Variants in NUP133 observed in about 807,000 individuals in gnomAD.
The protein encoded by NUP133 is nucleoporin 133.
Under a neutral mutation model 146.2 loss-of-function variants are expected in NUP133, and 66 were observed. The observed-to-expected ratio is 0.45, with a 90% CI of 0.37 to 0.55. The LOEUF is 0.55. NUP133 is among the 20% of genes least tolerant of loss of function. The probability of loss-of-function intolerance (pLI) is 0.00; values close to 1 mark genes in which losing one functional copy is unlikely to be tolerated. For missense variants in NUP133, 1,277 were observed against 1,374.8 expected, an observed-to-expected ratio of 0.93 and a Z score of 1.12; for synonymous variants, 521 against 498.8, an observed-to-expected ratio of 1.04 and a Z score of -0.59.
chr1:229,475,098 C>CAATAAATAAATA (rs541499624), intron 14 of NUP133, among the ~76,000 whole-genome samples: 53 of 151,404 alleles, frequency 3.5e-4, no homozygotes, highest in African/African-American at 1.2e-3. Flanking sequence ...TGCCCTGTCT[C>CAATAAATAAATA]AATAAATAAA....
chr1:229,500,166 ACTTGTCTCTT>A (rs1350748272), intron 4 of NUP133, among the ~76,000 whole-genome samples: 2 of 152,236 alleles, frequency 1.3e-5, no homozygotes, highest in Admixed American at 1.3e-4. Flanking sequence ...TTACTCTGTA[ACTTGTCTCTT>A]CATTTTCTTG....
intron 24 of NUP133, among the ~76,000 whole-genome samples, chr1:229,446,809 C>A (rs1660312828): frequency 6.6e-6 from 1 of 151,894 alleles, no homozygotes; most frequent in Non-Finnish European, 1.5e-5. Flanking sequence ...TCTCGTTTGG[C>A]ATGACAAGCC....
intron 14 of NUP133, among the ~76,000 whole-genome samples, chr1:229,472,692 A>C (rs978118691): frequency 9.0e-5 from 13 of 145,004 alleles, no homozygotes; most frequent in African/African-American, 3.2e-4. Context: ...CAAAAAAATT[A>C]AAAAACTAAA....
Position 229,450,597 on chromosome 1 carries a change from G to A in NUP133, c.3108C>T (p.Ile1036=). ...CATTAGCTCTTCTATTTTCTTCACA[G>A]ATATATAGCTATGACAAGTTAAAAT... is the stretch of plus-strand genomic sequence containing the variant. ...LTAPQLIGLY[I]CEENRRANEY... is the part of the protein sequence containing the mutation. The change falls in exon 23 of 26, where the codon ATC becomes ATT. Residue 1036 remains isoleucine (I), a synonymous_variant. Coordinates refer to ENST00000261396, the MANE Select transcript of NUP133 (RefSeq NM_018230.3). 6.5e-7 allele frequency: 1 copy of A among 1,534,392 alleles called. No individual in the cohort carries two copies. The highest frequency in any genetic ancestry group is 9.0e-7 in the Non-Finnish European group (1 of 1,116,844).
intron 11 of NUP133, among the ~76,000 whole-genome samples, 163 bp downstream of exon 11, chr1:229,486,208 C>T (rs1309792958): frequency 3.3e-5 from 5 of 151,604 alleles, no homozygotes; most frequent in Non-Finnish European, 7.4e-5. Flanking sequence ...TAGCCAGGCA[C>T]CTACTGGGAA....
chr1:229,444,319 A>G (rs933158990), intron 25 of NUP133, among the ~76,000 whole-genome samples: 3 of 151,948 alleles, frequency 2.0e-5, no homozygotes, highest in African/African-American at 7.3e-5. Context: ...CAACAGAATG[A>G]GACTCCGTCT....
At chr1:229,496,866 T>C (rs78098909) in intron 6 of NUP133, among the ~76,000 whole-genome samples, 9,198 of 152,188 alleles carry the variant, frequency 0.06, 320 homozygotes, top group African/African-American at 0.099. Context: ...CAGGGACATA[T>C]AGCAGAGAGT....
intron 23 of NUP133, among the ~76,000 whole-genome samples, 185 bp from the exon 24 acceptor site, chr1:229,449,375 T>C (rs1303511934): frequency 6.6e-6 from 1 of 151,458 alleles, no homozygotes; most frequent in African/African-American, 2.4e-5. Context: ...TTTTTCTTTT[T>C]TTTTTTTTTT....
chr1:229,451,719 T>C (rs1484808538), intron 22 of NUP133, among the ~76,000 whole-genome samples: 4 of 152,338 alleles, frequency 2.6e-5, no homozygotes, highest in Admixed American at 6.5e-5. Context: ...CTTGTGTTCA[T>C]TGTCTTACAG....
chr1:229,449,097 T>C, intron 24 of NUP133, 29 bp downstream of exon 24: 1 of 1,566,036 alleles, frequency 6.4e-7, no homozygotes, highest in African/African-American at 1.4e-5. Context: ...TTCTATACTT[T>C]CCAAAGAAGC....
intron 21 of NUP133, among the ~76,000 whole-genome samples, chr1:229,455,674 ACT>A (rs1482643231): frequency 6.6e-6 from 1 of 152,060 alleles, no homozygotes; most frequent in Non-Finnish European, 1.5e-5. Flanking sequence ...TGTTGCTAAC[ACT>A]CTGTCCCTTT....
intron 22 of NUP133, 81 bp downstream of exon 22, chr1:229,452,443 AG>A (rs1381536476): frequency 2.0e-6 from 2 of 988,640 alleles, no homozygotes; most frequent in Non-Finnish European, 1.5e-6. Flanking sequence ...AACTCCTCTT[AG>A]GAACTATACT....
intron 23 of NUP133, 21 bp downstream of exon 23, chr1:229,450,504 A>G (rs1280333679): frequency 7.3e-7 from 1 of 1,367,746 alleles, no homozygotes; most frequent in Non-Finnish European, 1.0e-6. Flanking sequence ...GCCTGAGATC[A>G]TCTCAAGCAA....
intron 14 of NUP133, among the ~76,000 whole-genome samples, chr1:229,471,528 C>G (rs953264378): frequency 6.6e-6 from 1 of 152,116 alleles, no homozygotes; most frequent in African/African-American, 2.4e-5. Flanking sequence ...ACCCCTAATG[C>G]TGCTGGGAGG....
intron 1 of NUP133, among the ~76,000 whole-genome samples, chr1:229,506,765 G>A (rs939698789): frequency 2.0e-5 from 3 of 150,814 alleles, no homozygotes; most frequent in Non-Finnish European, 4.4e-5. Context: ...TAAATTAGCC[G>A]GGCATTGTGG....
At chr1:229,488,004 C>T (rs531534586) in intron 9 of NUP133, among the ~76,000 whole-genome samples, 6 of 151,738 alleles carry the variant, frequency 4.0e-5, no homozygotes, top group South Asian at 2.1e-4. Flanking sequence ...CTACCATGCC[C>T]GGCTAATTTT....
intron 11 of NUP133, among the ~76,000 whole-genome samples, chr1:229,485,195 T>G (rs886794487): frequency 1.8e-4 from 27 of 152,184 alleles, no homozygotes; most frequent in Admixed American, 1.7e-3. Flanking sequence ...TGGAAATATC[T>G]GTGATACTAA....
At chr1:229,458,932 T>A (rs540826694) in intron 20 of NUP133, among the ~76,000 whole-genome samples, 1 of 152,246 alleles carries the variant, frequency 6.6e-6, no homozygotes, top group African/African-American at 2.4e-5. Context: ...AAATTAAGAA[T>A]GTTTTATGCA....
At chr1:229,490,475 C>T (rs574551385) in intron 8 of NUP133, among the ~76,000 whole-genome samples, 12 of 151,216 alleles carry the variant, frequency 7.9e-5, no homozygotes, top group Admixed American at 2.6e-4. Context: ...ACTCAAAAGG[C>T]TTTACACTGT....
Sources: gnomAD v4.1 joint callset for allele counts (sites outside exome capture counted in the v4.1 genomes callset) on GRCh38, gnomAD v4.1.1 for gene constraint, MANE v1.5 for transcripts, NCBI Gene and HGNC (gene_info 2026-07-23, HGNC 2026-07-21) for gene names.